The following TUSC3 variants were observed in gnomAD, a reference collection of about 807,000 sequenced individuals.
The protein encoded by TUSC3 is dolichyl-diphosphooligosaccharide--protein glycosyltransferase subunit TUSC3.
TUSC3 carries 45 observed loss-of-function variants against 44.8 expected under a neutral mutation model. That is an observed-to-expected ratio of 1.00 (90% confidence interval 0.79 to 1.29). TUSC3 has a LOEUF of 1.29. TUSC3 is among the 50% of genes most tolerant of loss of function. The pLI, the probability that TUSC3 is intolerant of heterozygous loss-of-function variation, is 0.00. For synonymous variants in TUSC3, 212 were observed against 152.9 expected (o/e 1.39, Z -2.85); for missense variants, 519 against 437.9 (o/e 1.19, Z -1.65).
At chr8:15,506,076 C>G (rs1270270649) in intron 2 of TUSC3, among the ~76,000 whole-genome samples, 1 of 152,190 alleles carries the variant, frequency 6.6e-6, no homozygotes, top group Non-Finnish European at 1.5e-5. Flanking sequence ...GATTGTAAAC[C>G]TGCCTTGACG....
intron 1 of TUSC3, among the ~76,000 whole-genome samples, chr8:15,555,704 T>G (rs1464797044): frequency 6.6e-6 from 1 of 151,732 alleles, no homozygotes; most frequent in East Asian, 2.0e-4. Flanking sequence ...AGCCCTTTCA[T>G]GTTTGTAATA....
Position 15,743,544 on chromosome 8 carries a change from C to G in TUSC3, c.869C>G (p.Ala290Gly), listed in dbSNP as rs200904398. ...ESHIILVLNA[A>G]ITMGMVLLNE... Reference sequence around the variant, plus strand: ...TCCTTGACAACTACTGCAGATGCCGCTATCACCATGGGGATGGTTCTTCTA... The same window carrying G: ...TCCTTGACAACTACTGCAGATGCCGGTATCACCATGGGGATGGTTCTTCTA... Residue 290 changes from alanine (A) to glycine (G), a missense_variant, in exon 8 of 11, where the codon GCT becomes GGT. Transcript: ENST00000503731. 1 of 1,613,956 alleles carries G rather than the reference C, an allele frequency of 6.2e-7. No homozygotes were observed. Among genetic ancestry groups the G allele is most frequent in the East Asian group, 2.2e-5 (1 of 44,872 alleles).
At chr8:15,830,738 T>C in the TUSC3 span, among the ~76,000 whole-genome samples, 76,461 of 151,736 alleles carry the variant, frequency 0.5, 20,499 homozygotes, top group Non-Finnish European at 0.61. Flanking sequence ...AGGGAAATAA[T>C]ACACAAGGGG....
the TUSC3 span, among the ~76,000 whole-genome samples, chr8:15,774,715 C>T: frequency 6.6e-6 from 1 of 152,232 alleles, no homozygotes. Context: ...TGTCAACAAT[C>T]ACATAAGGTG....
At chr8:15,806,598 T>C in the TUSC3 span, 1 of 1,466,324 alleles carries the variant, frequency 6.8e-7, no homozygotes, top group East Asian at 2.3e-5. Context: ...GCAAGGATAA[T>C]GAAGTGATCA....
chr8:15,835,047 T>C, the TUSC3 span, among the ~76,000 whole-genome samples: 1 of 152,192 alleles, frequency 6.6e-6, no homozygotes, highest in Non-Finnish European at 1.5e-5. Context: ...ATTTACAACA[T>C]TGTTACTTTC....
At chr8:15,701,237 C>G (rs1809391770) in intron 6 of TUSC3, among the ~76,000 whole-genome samples, 1 of 152,084 alleles carries the variant, frequency 6.6e-6, no homozygotes, top group Non-Finnish European at 1.5e-5. Context: ...CACAAAATTT[C>G]CTCAGGGCCT....
intron 1 of TUSC3, among the ~76,000 whole-genome samples, chr8:15,593,309 C>G (rs1803931814): frequency 6.6e-6 from 1 of 152,118 alleles, no homozygotes; most frequent in Admixed American, 6.5e-5. Context: ...TGGTCTCGAA[C>G]TCCTGACCTC....
intron 1 of TUSC3, among the ~76,000 whole-genome samples, chr8:15,583,310 T>C (rs1373604678): frequency 6.6e-6 from 1 of 152,210 alleles, no homozygotes; most frequent in Non-Finnish European, 1.5e-5. Context: ...TTTAAGTTCA[T>C]AGTCATTTTG....
intron 2 of TUSC3, among the ~76,000 whole-genome samples, chr8:15,634,928 G>C (rs1197886530): frequency 6.6e-6 from 1 of 152,176 alleles, no homozygotes; most frequent in African/African-American, 2.4e-5. Flanking sequence ...GGCCTCCGTA[G>C]GCCACTGCAG....
chr8:15,679,263 C>A (rs1204600130), intron 6 of TUSC3, among the ~76,000 whole-genome samples: 2 of 151,992 alleles, frequency 1.3e-5, no homozygotes, highest in Non-Finnish European at 2.9e-5. Context: ...GCCTTGGAAG[C>A]ATCTTTTTTT....
intron 2 of TUSC3, among the ~76,000 whole-genome samples, chr8:15,624,231 A>G (rs1175887484): frequency 6.6e-6 from 1 of 152,218 alleles, no homozygotes; most frequent in Non-Finnish European, 1.5e-5. Flanking sequence ...TTGTTAAAGG[A>G]ATCGGGGTCG....
chr8:15,626,297 G>A (rs9693157), intron 2 of TUSC3, among the ~76,000 whole-genome samples: 80,188 of 152,042 alleles, frequency 0.53, 21,595 homozygotes, highest in East Asian at 0.7. Context: ...GGCCACTGCA[G>A]TGGGGCCAGG....
chr8:15,473,290 C>T (rs1035289920), intron 1 of TUSC3, among the ~76,000 whole-genome samples: 1 of 152,162 alleles, frequency 6.6e-6, no homozygotes, highest in Non-Finnish European at 1.5e-5. Flanking sequence ...AGGGGTACAA[C>T]CTTGTGTGTT....
intron 1 of TUSC3, among the ~76,000 whole-genome samples, chr8:15,465,689 C>T (rs1010749818): frequency 6.6e-5 from 10 of 152,202 alleles, no homozygotes; most frequent in Admixed American, 6.5e-4. Flanking sequence ...AAACACCTTT[C>T]ATCAAAAGAT....
At chr8:15,543,740 GTT>G in intron 1 of TUSC3, among the ~76,000 whole-genome samples, 1 of 144,076 alleles carries the variant, frequency 6.9e-6, no homozygotes, top group African/African-American at 2.5e-5. Context: ...TTTTGAATTG[GTT>G]TTTTTTTTTT....
chr8:15,709,534 G>A (rs992797926), intron 6 of TUSC3, among the ~76,000 whole-genome samples: 5 of 151,806 alleles, frequency 3.3e-5, no homozygotes, highest in Non-Finnish European at 7.4e-5. Flanking sequence ...TTTAGCTCCA[G>A]ATGAAGCTCC....
intron 2 of TUSC3, among the ~76,000 whole-genome samples, chr8:15,628,734 A>C (rs1805628670): frequency 6.6e-6 from 1 of 152,208 alleles, no homozygotes; most frequent in African/African-American, 2.4e-5. Flanking sequence ...ACCGTTTTTG[A>C]AACTAGAATA....
intron 6 of TUSC3, among the ~76,000 whole-genome samples, chr8:15,707,052 T>G (rs1443497308): frequency 1.3e-5 from 2 of 152,014 alleles, no homozygotes; most frequent in East Asian, 3.9e-4. Context: ...CCTGACTGCT[T>G]TTTTTGAGTT....
Sources: gnomAD v4.1 joint callset for allele counts (sites outside exome capture counted in the v4.1 genomes callset) on GRCh38, gnomAD v4.1.1 for gene constraint, MANE v1.5 for transcripts, NCBI Gene and HGNC (gene_info 2026-07-23, HGNC 2026-07-21) for gene names.